BMPR1B: variants seen among roughly 807,000 people sequenced by gnomAD.
The protein encoded by BMPR1B is bone morphogenetic protein receptor type-1B.
A neutral mutation model predicts 59.1 loss-of-function variants in BMPR1B; 12 were observed. The observed-to-expected ratio is 0.20, with a 90% CI of 0.13 to 0.33. BMPR1B has a LOEUF of 0.33. Ranked by LOEUF, BMPR1B falls within the 10% of genes least tolerant of loss-of-function variation. BMPR1B has a pLI of 1.00. For synonymous variants in BMPR1B, 237 were observed against 207.3 expected (o/e 1.14, Z -1.23); for missense variants, 550 against 610.9 (o/e 0.90, Z 1.05).
chr4:94,939,648 G>A (rs1227210350), intron 2 of BMPR1B, among the ~76,000 whole-genome samples: 1 of 152,188 alleles, frequency 6.6e-6, no homozygotes, highest in Non-Finnish European at 1.5e-5. Flanking sequence ...TTTAAATCCT[G>A]TATAGAGACA....
At chr4:94,770,180 G>GGTTTTTTTTTTTTTTTTTTTTTTTT (rs771544268) in intron 1 of BMPR1B, among the ~76,000 whole-genome samples, 4 of 106,252 alleles carry the variant, frequency 3.8e-5, no homozygotes, top group African/African-American at 1.2e-4. Context: ...CTTCGTTTCT[G>GGTTTTTTTTTTTTTTTTTTTTTTTT]TGTTTGTTTT....
chr4:95,036,844 C>T (rs190223478), intron 3 of BMPR1B, among the ~76,000 whole-genome samples: 70 of 151,788 alleles, frequency 4.6e-4, no homozygotes, highest in African/African-American at 1.4e-3. Flanking sequence ...CAACAGTGTA[C>T]GAGGGTTCCC....
At chr4:94,877,252 A>G (rs934374503) in intron 2 of BMPR1B, among the ~76,000 whole-genome samples, 6 of 152,200 alleles carry the variant, frequency 3.9e-5, no homozygotes, top group Admixed American at 2.0e-4. Context: ...GTCTCTTTCC[A>G]AAGGTTAGCA....
At chr4:94,978,848 G>A (rs1247346716) in intron 2 of BMPR1B, among the ~76,000 whole-genome samples, 2 of 151,940 alleles carry the variant, frequency 1.3e-5, no homozygotes, top group African/African-American at 2.4e-5. Context: ...TGAACTCACG[G>A]TTCCACATGG....
chr4:95,123,975 T>C (rs1732723169), intron 7 of BMPR1B, 69 bp downstream of exon 7: 1 of 1,125,268 alleles, frequency 8.9e-7, no homozygotes. Context: ...TATTCTGCTT[T>C]TGCCTGTTAG....
At position 94,975,136 on chromosome 4, in the gene BMPR1B, G is replaced by A. The variant is rs1730970138; in HGVS notation, c.-112-20904G>A. On this transcript the variant is annotated intron_variant, in intron 2 of 12. Transcript: ENST00000515059. ...AGGTCTCCTCAGGATGTGGGCTTTG[G>A]TGGTGGAGCAGGTGAGTAGGAGGGG... Among the ~76,000 whole-genome samples, 3 of 152,106 alleles carry A rather than the reference G, an allele frequency of 2.0e-5. No homozygotes were observed. The South Asian group carries it at 6.2e-4, about 32-fold the overall frequency.
chr4:95,009,380 C>A (rs1578920354), intron 3 of BMPR1B, among the ~76,000 whole-genome samples: 2 of 152,122 alleles, frequency 1.3e-5, no homozygotes, highest in East Asian at 3.9e-4. Flanking sequence ...CTGGAAACAA[C>A]CCAAAAGAGA....
At chr4:94,861,687 T>G (rs1725983639) in intron 1 of BMPR1B, among the ~76,000 whole-genome samples, 1 of 152,178 alleles carries the variant, frequency 6.6e-6, no homozygotes, top group Non-Finnish European at 1.5e-5. Context: ...ATGATATTTT[T>G]TATCATAGAA....
intron 10 of BMPR1B, 31 bp from the exon 11 acceptor site, chr4:95,148,717 G>A: frequency 6.2e-7 from 1 of 1,605,222 alleles, no homozygotes; most frequent in Non-Finnish European, 8.5e-7. Flanking sequence ...CCTCTTCAAT[G>A]CTGTAATGCT....
At chr4:94,988,596 TTACA>T (rs1578887419) in intron 2 of BMPR1B, among the ~76,000 whole-genome samples, 1 of 152,078 alleles carries the variant, frequency 6.6e-6, no homozygotes, top group African/African-American at 2.4e-5. Context: ...TGTTTACAAC[TTACA>T]TACAACATTA....
intron 2 of BMPR1B, among the ~76,000 whole-genome samples, chr4:94,929,527 G>A (rs1341845659): frequency 2.0e-5 from 3 of 152,004 alleles, no homozygotes; most frequent in Middle Eastern, 3.4e-3. Context: ...TCTCAAAACT[G>A]TGTTTTCTGG....
chr4:94,896,268 G>C (rs921652325), intron 2 of BMPR1B, among the ~76,000 whole-genome samples: 10 of 151,850 alleles, frequency 6.6e-5, no homozygotes, highest in African/African-American at 2.2e-4. Flanking sequence ...GCATATATAC[G>C]TAGCCCAAGA....
At chr4:95,115,824 G>C (rs1450086257) in intron 6 of BMPR1B, 37 bp downstream of exon 6, 3 of 1,538,280 alleles carry the variant, frequency 2.0e-6, no homozygotes, top group Non-Finnish European at 2.7e-6. Context: ...AAAATCACTA[G>C]GTATCATGAA....
At chr4:94,962,124 T>TTTCCTTCC (rs1291788192) in intron 2 of BMPR1B, among the ~76,000 whole-genome samples, 5 of 88,098 alleles carry the variant, frequency 5.7e-5, no homozygotes, top group Non-Finnish European at 1.1e-4. Context: ...TCCTTCCTTC[T>TTTCCTTCC]TTCCTTCCTT....
chr4:94,928,728 G>A (rs1728984469), intron 2 of BMPR1B, among the ~76,000 whole-genome samples: 1 of 151,726 alleles, frequency 6.6e-6, no homozygotes, highest in Non-Finnish European at 1.5e-5. Flanking sequence ...CCTTATTTTT[G>A]CTCATTGGTC....
At chr4:94,894,929 A>T (rs1263801026) in intron 2 of BMPR1B, among the ~76,000 whole-genome samples, 1 of 151,934 alleles carries the variant, frequency 6.6e-6, no homozygotes, top group Non-Finnish European at 1.5e-5. Flanking sequence ...TTTTAAATTC[A>T]TGATGAAACT....
chr4:94,937,325 T>C (rs906552458), intron 2 of BMPR1B, among the ~76,000 whole-genome samples: 2 of 152,210 alleles, frequency 1.3e-5, no homozygotes, highest in Non-Finnish European at 2.9e-5. Flanking sequence ...CTTCCCGTAT[T>C]AATGCCTTGA....
chr4:94,819,705 CTT>C (rs1409920173), intron 1 of BMPR1B, among the ~76,000 whole-genome samples: 3 of 152,288 alleles, frequency 2.0e-5, no homozygotes, highest in Admixed American at 2.0e-4. Flanking sequence ...TCTGAACACT[CTT>C]GAGATTTTCA....
At chr4:95,000,453 C>T (rs528445339) in intron 3 of BMPR1B, among the ~76,000 whole-genome samples, 37 of 151,676 alleles carry the variant, frequency 2.4e-4, no homozygotes, top group African/African-American at 7.7e-4. Context: ...TTGCAGTGAG[C>T]CAAGATCACC....
Sources: allele counts gnomAD v4.1 joint callset (sites outside exome capture counted in the v4.1 genomes callset), GRCh38; gene constraint gnomAD v4.1.1; transcripts MANE v1.5; gene names NCBI Gene and HGNC (gene_info 2026-07-23, HGNC 2026-07-21).